Variants in C3orf33 observed in about 807,000 individuals in gnomAD.
The protein encoded by C3orf33 is mitochondrial inner membrane subdomain organizer 1, also known as AP-1 activity suppressor.
In C3orf33, 23 loss-of-function variants were observed where a neutral mutation model predicts 28.7. The ratio of observed to expected loss-of-function variants is 0.80; its 90% CI spans 0.58 to 1.13. The LOEUF (loss-of-function observed/expected upper bound fraction) is 1.13. Ranked by LOEUF, C3orf33 falls within the 50% of genes most tolerant of loss-of-function variation. The pLI, the probability that C3orf33 is intolerant of heterozygous loss-of-function variation, is 0.00. For synonymous variants in C3orf33, 119 were observed against 120.5 expected, an observed-to-expected ratio of 0.99 and a Z score of 0.08; for missense variants, 327 against 353.4, an observed-to-expected ratio of 0.93 and a Z score of 0.60.
At chr3:155,766,310 A>T (rs1455819445) in intron 4 of C3orf33, among the ~76,000 whole-genome samples, 1 of 152,264 alleles carries the variant, frequency 6.6e-6, no homozygotes, top group Non-Finnish European at 1.5e-5. Context: ...CAGGACAGTG[A>T]TTCAGCAACA....
chr3:155,771,164 G>A (rs1015427887), intron 3 of C3orf33, among the ~76,000 whole-genome samples: 2 of 151,942 alleles, frequency 1.3e-5, no homozygotes, highest in African/African-American at 4.8e-5. Context: ...GGAGTGCAGT[G>A]GCATGATCAT....
In C3orf33 at chr3:155,763,505, T is replaced by A; in HGVS notation, c.*12A>T. On this transcript the variant is annotated 3_prime_UTR_variant, in exon 5 of 5. Coordinates refer to ENST00000340171, the MANE Select transcript of C3orf33 (RefSeq NM_001308229.2). ...TCTTTGGAGAAGGTTACCTCTAGAT[T>A]TCTTGACCGTTTCACCCTTTTCTAC... 2 of 1,467,480 alleles carry A rather than the reference T, an allele frequency of 1.4e-6. No homozygotes were observed. Among genetic ancestry groups the A allele is most frequent in the Non-Finnish European group, 1.8e-6 (2 of 1,113,392 alleles). 90.9% of individuals were successfully genotyped at this position (1,467,480 alleles called of 1,614,324 possible).
intron 2 of C3orf33, among the ~76,000 whole-genome samples, chr3:155,793,005 G>C (rs996435639): frequency 6.6e-6 from 1 of 151,928 alleles, no homozygotes; most frequent in Non-Finnish European, 1.5e-5. Flanking sequence ...AGATTTAACC[G>C]AAAGACGATC....
At chr3:155,773,202 T>C in intron 3 of C3orf33, among the ~76,000 whole-genome samples, 1 of 152,358 alleles carries the variant, frequency 6.6e-6, no homozygotes, top group Middle Eastern at 3.4e-3. Context: ...TATTGTAACA[T>C]TCAAAATGGT....
chr3:155,788,590 G>A (rs1224606850), intron 2 of C3orf33, among the ~76,000 whole-genome samples: 2 of 151,626 alleles, frequency 1.3e-5, no homozygotes, highest in African/African-American at 4.8e-5. Flanking sequence ...GCTGAGGCAG[G>A]AGAATTGCTT....
chr3:155,781,109 T>C (rs1750908915), intron 2 of C3orf33, among the ~76,000 whole-genome samples: 1 of 151,342 alleles, frequency 6.6e-6, no homozygotes, highest in Non-Finnish European at 1.5e-5. Flanking sequence ...GCCATTCTCC[T>C]GCCTCAGCCT....
chr3:155,790,220 C>CAA (rs1210201908), intron 2 of C3orf33, among the ~76,000 whole-genome samples: 1 of 49,254 alleles, frequency 2.0e-5, no homozygotes, highest in Admixed American at 2.0e-4. Flanking sequence ...TATTCACATG[C>CAA]AAAAAAGAAA....
chr3:155,780,232 A>G (rs535635615), intron 2 of C3orf33, among the ~76,000 whole-genome samples: 39 of 152,340 alleles, frequency 2.6e-4, no homozygotes, highest in African/African-American at 8.9e-4. Flanking sequence ...TGCTGCTACA[A>G]GGATGCTGTG....
At chr3:155,770,888 G>T (rs1750559845) in intron 3 of C3orf33, among the ~76,000 whole-genome samples, 1 of 151,898 alleles carries the variant, frequency 6.6e-6, no homozygotes, top group Non-Finnish European at 1.5e-5. Flanking sequence ...TTGCCAGGCT[G>T]GTCTTGAACT....
At chr3:155,779,955 T>C (rs1439736902) in intron 2 of C3orf33, among the ~76,000 whole-genome samples, 1 of 152,202 alleles carries the variant, frequency 6.6e-6, no homozygotes, top group African/African-American at 2.4e-5. Flanking sequence ...TCCATTTATT[T>C]TATATCCCAC....
intron 2 of C3orf33, among the ~76,000 whole-genome samples, chr3:155,793,809 C>CAAAAAAAAAAAAAAAA (rs1176317323): frequency 2.7e-5 from 1 of 37,494 alleles, no homozygotes; most frequent in African/African-American, 7.1e-5. Context: ...GACTCTGACT[C>CAAAAAAAAAAAAAAAA]AAAAAAAAAA....
In C3orf33 at chr3:155,775,777, T is replaced by C. The variant is rs1234088147; in HGVS notation, c.246A>G (p.Arg82=). 6.3e-7 allele frequency: 1 copy of C among 1,595,890 alleles called. No individual in the cohort carries two copies. Among genetic ancestry groups the C allele is most frequent in the East Asian group, 2.2e-5 (1 of 44,630 alleles). ...AACCATTCTCAGTTATTCGGCGTAATCGTCCACGTAGTTTAACATTTCTTC... is the reference window on the plus strand; with the variant it reads ...AACCATTCTCAGTTATTCGGCGTAACCGTCCACGTAGTTTAACATTTCTTC... ...FIRRNVKLRG[R]LRRITENGLE... is the part of the protein sequence containing the mutation. The change falls in exon 3 of 5, where the codon CGA becomes CGG. Residue 82 remains arginine, a synonymous_variant. Transcript: ENST00000340171.
chr3:155,770,962 C>CTGTG (rs3068982), intron 3 of C3orf33, among the ~76,000 whole-genome samples: 49,092 of 129,792 alleles, frequency 0.38, 10,765 homozygotes, highest in Middle Eastern at 0.44. Flanking sequence ...GCATGAACCA[C>CTGTG]TGTGTGTGTG....
rs146891268 is a variant in C3orf33, at chr3:155,801,011, A to C, written c.174+1521T>G. ...TAAAATAGTACAGCCACTGTAAAAA[A>C]CAGTATGGCAGTTACTCAAAAAATT... is the stretch of plus-strand genomic sequence containing the variant. On this transcript the variant is annotated intron_variant, in intron 2 of 4. Transcript: ENST00000340171. 1.4e-3 allele frequency among the ~76,000 whole-genome samples: 219 copies of C among 152,264 alleles called. 1 individual carries two copies. The highest frequency in any genetic ancestry group is 5.1e-3 in the African/African-American group (211 of 41,568).
intron 1 of C3orf33, chr3:155,805,767 C>A: frequency 2.1e-6 from 1 of 487,350 alleles, no homozygotes; most frequent in Non-Finnish European, 4.0e-6. Flanking sequence ...GAAATGCTCT[C>A]TCCCAAGGCG....
At chr3:155,797,549 G>A (rs928929734) in intron 2 of C3orf33, among the ~76,000 whole-genome samples, 2 of 151,984 alleles carry the variant, frequency 1.3e-5, no homozygotes, top group African/African-American at 2.4e-5. Context: ...ATCTGTATTC[G>A]AAAAAACCTA....
At chr3:155,787,919 C>T (rs142734631) in intron 2 of C3orf33, among the ~76,000 whole-genome samples, 1,986 of 151,668 alleles carry the variant, frequency 0.013, 45 homozygotes, top group African/African-American at 0.045. Context: ...AGGCCGGGCG[C>T]GGTGGCTCAT....
intron 2 of C3orf33, among the ~76,000 whole-genome samples, chr3:155,781,990 T>A (rs1342492395): frequency 6.6e-6 from 1 of 151,644 alleles, no homozygotes; most frequent in African/African-American, 2.4e-5. Flanking sequence ...GCAGGAGAAC[T>A]GCTTGAACCC....
At position 155,778,682 on chromosome 3, in the gene C3orf33, T is replaced by C. The variant is rs145396149; in HGVS notation, c.175-2834A>G. ...AAAGAATTTGAATCACAGGACAAAG[T>C]TGCTTATGACAAGTTTATGGGAAAA... On this transcript the variant is annotated intron_variant, in intron 2 of 4. Coordinates refer to ENST00000340171, the MANE Select transcript of C3orf33 (RefSeq NM_001308229.2). Among the ~76,000 whole-genome samples, 801 of 152,282 alleles carry C rather than the reference T, an allele frequency of 5.3e-3. 2 individuals carry two copies. Among genetic ancestry groups the C allele is most frequent in the Non-Finnish European group, 8.6e-3 (586 of 68,020 alleles).
Sources: allele counts gnomAD v4.1 joint callset (sites outside exome capture counted in the v4.1 genomes callset), GRCh38; gene constraint gnomAD v4.1.1; transcripts MANE v1.5; gene names NCBI Gene and HGNC (gene_info 2026-07-23, HGNC 2026-07-21).